The following DNAH12 variants were observed in gnomAD, a reference collection of about 807,000 sequenced individuals.
DNAH12 encodes axonemal beta dynein heavy chain 12.
In DNAH12, 285 loss-of-function variants were observed where a neutral mutation model predicts 371.5. The observed-to-expected ratio is 0.77, with a 90% CI of 0.70 to 0.85. The LOEUF (loss-of-function observed/expected upper bound fraction) is 0.85. Among genes scored for constraint, DNAH12 ranks in the 40% least tolerant of loss-of-function variants. The pLI is 0.00. For synonymous variants in DNAH12, 1,200 were observed against 1,213.0 expected (o/e 0.99, Z 0.22); for missense variants, 3,611 against 3,689.4 (o/e 0.98, Z 0.55).
intron 66 of DNAH12, 107 bp downstream of exon 66, chr3:57,314,387 C>A: frequency 4.4e-6 from 6 of 1,353,672 alleles, no homozygotes; most frequent in Non-Finnish European, 6.1e-6. Context: ...ACCATCTACC[C>A]ACCTGTTAGT....
At position 57,332,740 on chromosome 3, in the gene DNAH12, G is replaced by C. The variant is rs2062128837; in HGVS notation, c.9978+1725C>G. On this transcript the variant is annotated intron_variant, in intron 62 of 73. Coordinates refer to ENST00000495027, the MANE Select transcript of DNAH12 (RefSeq NM_001366028.2). ...GCTGAACACTATGGTGTGTATGCAT[G>C]AGACCAAGAAAAGAGCATCTGAGGT... Among the ~76,000 whole-genome samples, 5 of 152,304 alleles carry C rather than the reference G, an allele frequency of 3.3e-5. No homozygotes were observed. The South Asian group carries it at 1.0e-3, about 32-fold the overall frequency.
intron 55 of DNAH12, among the ~76,000 whole-genome samples, chr3:57,368,521 A>G (rs947917332): frequency 2.7e-4 from 10 of 37,548 alleles, no homozygotes; most frequent in Non-Finnish European, 8.8e-4. Flanking sequence ...GTTCAGTGTT[A>G]GAAGTAGTAG....
At chr3:57,326,245 G>A (rs1040620722) in intron 62 of DNAH12, among the ~76,000 whole-genome samples, 1 of 151,758 alleles carries the variant, frequency 6.6e-6, no homozygotes, top group African/African-American at 2.4e-5. Context: ...GCAACTCCAA[G>A]ACACATAATT....
intron 70 of DNAH12, chr3:57,297,398 C>T (rs189662757): frequency 1.1e-5 from 2 of 178,328 alleles, no homozygotes; most frequent in East Asian, 1.6e-4. Context: ...CACCATTACC[C>T]AGGCTGGAGT....
intron 63 of DNAH12, 31 bp downstream of exon 63, chr3:57,323,438 T>C: frequency 1.3e-6 from 2 of 1,502,088 alleles, no homozygotes; most frequent in East Asian, 4.9e-5. Flanking sequence ...TTATTTATGA[T>C]TTCTTAAAAG....
At chr3:57,396,899 C>T (rs1295686839) in intron 43 of DNAH12, among the ~76,000 whole-genome samples, 1 of 152,138 alleles carries the variant, frequency 6.6e-6, no homozygotes, top group Non-Finnish European at 1.5e-5. Flanking sequence ...GTGACGGGCA[C>T]CTATAATTCC....
intron 25 of DNAH12, among the ~76,000 whole-genome samples, chr3:57,449,027 G>C: frequency 8.2e-6 from 1 of 122,260 alleles, no homozygotes; most frequent in Non-Finnish European, 1.7e-5. Context: ...CAAACCTTGA[G>C]CTAAACACAG....
intron 12 of DNAH12, among the ~76,000 whole-genome samples, chr3:57,487,873 TTTTTTTG>T (rs1307907901): frequency 6.6e-6 from 1 of 152,162 alleles, no homozygotes; most frequent in African/African-American, 2.4e-5. Flanking sequence ...TAAAGTGTTT[TTTTTTTG>T]TTTTTTGTTT....
chr3:57,375,671 C>T (rs1369740540), intron 54 of DNAH12, 147 bp downstream of exon 54: 2 of 152,094 alleles, frequency 1.3e-5, no homozygotes, highest in African/African-American at 4.8e-5. Flanking sequence ...AAGTATTTTA[C>T]TGATGAAACA....
chr3:57,324,205 C>T (rs975494461), intron 62 of DNAH12, among the ~76,000 whole-genome samples: 7 of 152,154 alleles, frequency 4.6e-5, no homozygotes, highest in Admixed American at 4.6e-4. Flanking sequence ...CCTGTCAGCC[C>T]TTCATCATTT....
chr3:57,442,170 C>T (rs752431036), intron 29 of DNAH12, among the ~76,000 whole-genome samples: 50 of 151,996 alleles, frequency 3.3e-4, no homozygotes, highest in Non-Finnish European at 4.1e-4. Context: ...CCAGAAGACC[C>T]ATATACACAC....
intron 68 of DNAH12, 135 bp from the exon 69 acceptor site, chr3:57,309,389 T>C (rs1042483969): frequency 1.1e-5 from 8 of 746,880 alleles, no homozygotes; most frequent in Non-Finnish European, 1.2e-5. Flanking sequence ...TGTATATAAG[T>C]CCTATGTACC....
chr3:57,531,132 G>A (rs1173693585), intron 2 of DNAH12, among the ~76,000 whole-genome samples: 1 of 152,152 alleles, frequency 6.6e-6, no homozygotes, highest in Admixed American at 6.5e-5. Flanking sequence ...ACTTTCAGAT[G>A]ATTTCTTGCT....
chr3:57,303,539 G>T (rs1269757919), intron 69 of DNAH12, among the ~76,000 whole-genome samples: 1 of 151,276 alleles, frequency 6.6e-6, no homozygotes, highest in Non-Finnish European at 1.5e-5. Flanking sequence ...GGCCTCCCAA[G>T]TAGCTGAGAC....
intron 34 of DNAH12, chr3:57,428,362 G>A (rs2064848025): frequency 7.7e-7 from 1 of 1,298,096 alleles, no homozygotes; most frequent in Admixed American, 2.3e-5. Context: ...AGTTTTTAGA[G>A]GCACATATTT....
In DNAH12 at chr3:57,457,728, G is replaced by T; in HGVS notation, c.3329C>A (p.Ala1110Asp). ...LRSVHDVIAA[A>D]RLAYPESARR... ...AAATCCTAGGAAACACACCAGCCTG[G>T]CTGCAGCGATCACATCGTGAACACT... Residue 1110 changes from alanine (A) to aspartate (D), a missense_variant, in exon 22 of 74, where the codon GCC becomes GAC. Ala to Asp is a moderately radical substitution (Grantham distance 126, BLOSUM62 -2). Around this residue, in one of 3 missense-constraint regions of DNAH12, gnomAD observed 1,314 missense variants for 1,398.7 expected, o/e 0.94. Coordinates refer to ENST00000495027, the MANE Select transcript of DNAH12 (RefSeq NM_001366028.2). The T allele has an allele frequency of 6.5e-7, 1 of 1,548,612 alleles. No homozygotes were observed. Among genetic ancestry groups the T allele is most frequent in the Non-Finnish European group, 8.7e-7 (1 of 1,144,470 alleles).
At chr3:57,434,274 C>A (rs937380252) in intron 30 of DNAH12, among the ~76,000 whole-genome samples, 3 of 152,022 alleles carry the variant, frequency 2.0e-5, no homozygotes, top group Admixed American at 2.0e-4. Flanking sequence ...TTCTAACCAA[C>A]GGGTAATAAA....
In DNAH12 at chr3:57,294,193, T is replaced by TTTG. The variant is rs1559528305; in HGVS notation, c.11693-223_11693-222insCAA. Reference sequence around the variant, plus strand: ...TTTCTTTTCTTTTTTTTTTTTTTTTTGGAGACTGAGTCTCACTCTGTCACC... The same window carrying TTTG: ...TTTCTTTTCTTTTTTTTTTTTTTTTTTTGGGAGACTGAGTCTCACTCTGTCACC... On this transcript the variant is annotated intron_variant, in intron 73 of 73. Transcript: ENST00000495027. 3.5e-5 allele frequency among the ~76,000 whole-genome samples: 5 copies of TTTG among 142,592 alleles called. 1 individual carries two copies. Among genetic ancestry groups the TTTG allele is most frequent in the Non-Finnish European group, 6.1e-5 (4 of 65,500 alleles). 93.5% of individuals were successfully genotyped at this position (142,592 alleles called of 152,430 possible). A position where few individuals can be genotyped will look rare whatever the true frequency, so the allele number is the denominator to read the frequency against.
At chr3:57,302,403 CCATA>C (rs1158973102) in intron 69 of DNAH12, among the ~76,000 whole-genome samples, 1 of 150,640 alleles carries the variant, frequency 6.6e-6, no homozygotes, top group Admixed American at 6.6e-5. Flanking sequence ...GTTAAGAATA[CCATA>C]AATATACTTG....
Sources: allele counts gnomAD v4.1 joint callset (sites outside exome capture counted in the v4.1 genomes callset), GRCh38; gene constraint gnomAD v4.1.1; regional missense constraint gnomAD v4.1.1; transcripts MANE v1.5; gene names NCBI Gene and HGNC (gene_info 2026-07-23, HGNC 2026-07-21).